The following RPGRIP1L variants were observed in gnomAD, a reference collection of about 807,000 sequenced individuals.
RPGRIP1L encodes the protein RPGRIP1 like.
RPGRIP1L carries 131 observed loss-of-function variants against 160.4 expected under a neutral mutation model. The ratio of observed to expected loss-of-function variants is 0.82; its 90% CI spans 0.71 to 0.94. RPGRIP1L has a LOEUF of 0.94. RPGRIP1L is among the 40% of genes least tolerant of loss of function. The pLI, the probability that RPGRIP1L is intolerant of heterozygous loss-of-function variation, is 0.00. For synonymous variants in RPGRIP1L, 510 were observed against 515.8 expected, an observed-to-expected ratio of 0.99 and a Z score of 0.15; for missense variants, 1,522 against 1,535.8, an observed-to-expected ratio of 0.99 and a Z score of 0.15.
At chr16:53,636,941 GACACACACACAC>G (rs34373919) in intron 21 of RPGRIP1L, among the ~76,000 whole-genome samples, 218 of 142,216 alleles carry the variant, frequency 1.5e-3, no homozygotes, top group Middle Eastern at 6.9e-3. Flanking sequence ...TGCAATATTT[GACACACACACAC>G]ACACACACAC....
At chr16:53,676,097 T>C (rs1032374663) in intron 6 of RPGRIP1L, among the ~76,000 whole-genome samples, 38 of 152,278 alleles carry the variant, frequency 2.5e-4, no homozygotes, top group East Asian at 1.9e-3. Flanking sequence ...AATGCCCTAC[T>C]GGAACCAGAA....
chr16:53,694,511 T>TTTTTG (rs2151370257), intron 3 of RPGRIP1L: 1 of 152,062 alleles, frequency 6.6e-6, no homozygotes, highest in African/African-American at 2.4e-5. Context: ...ACTATTTACT[T>TTTTTG]TTTTGTTTTG....
intron 6 of RPGRIP1L, among the ~76,000 whole-genome samples, chr16:53,677,091 C>G (rs1024187483): frequency 6.6e-6 from 1 of 152,064 alleles, no homozygotes; most frequent in Non-Finnish European, 1.5e-5. Context: ...AACCAGTAAG[C>G]ATATGTCAAA....
chr16:53,646,579 A>G (rs1966562794), intron 16 of RPGRIP1L, among the ~76,000 whole-genome samples: 1 of 152,234 alleles, frequency 6.6e-6, no homozygotes, highest in Non-Finnish European at 1.5e-5. Flanking sequence ...AAAAGGAGTT[A>G]TTAGGTAGAG....
Position 53,652,567 on chromosome 16 carries a change from CT to C in RPGRIP1L, c.2119del (p.Ser707AlafsTer10), listed in dbSNP as rs1567840180. ...QLKFHEILEK[S>X]GRIFCTASLI... Reference sequence around the variant, plus strand: ...ACTTGCTGTACAAAATATTCGGCCGCTTTTTTCAAGAATTTCGTGAAATTTT... The same window carrying C: ...ACTTGCTGTACAAAATATTCGGCCGCTTTTTCAAGAATTTCGTGAAATTTT... On this transcript the variant is annotated frameshift_variant, in exon 15 of 27. Coordinates refer to ENST00000647211, the MANE Select transcript of RPGRIP1L (RefSeq NM_015272.5). LOFTEE classifies it high-confidence loss of function. 1 of 1,613,850 alleles carries C rather than the reference CT, an allele frequency of 6.2e-7. No individual in the cohort carries two copies. The highest frequency in any genetic ancestry group is 1.3e-5 in the African/African-American group (1 of 74,900).
At position 53,641,429 on chromosome 16, in the gene RPGRIP1L, G is replaced by C. The variant is rs746015651; in HGVS notation, c.2730C>G (p.Ile910Met). Residue 910 changes from isoleucine to methionine, a missense_variant, in exon 18 of 27, where the codon ATC becomes ATG. Ile to Met is a conservative substitution (Grantham distance 10). Transcript: ENST00000647211. ...CAAATTTCCATTTCAATATAACATG[G>C]ATGGTGCCAGCAGGATGCTTTTGAT... ...TDHQKHPAGT[I>M]HVILKWKFAY... 7 of 1,613,822 alleles carry C rather than the reference G, an allele frequency of 4.3e-6. No individual in the cohort carries two copies. In the East Asian group the frequency reaches 1.1e-4, roughly 26 times the overall value.
chr16:53,692,253 C>T lies in RPGRIP1L; in HGVS notation c.342G>A (p.Gln114=). The T allele has an allele frequency of 6.2e-7, 1 of 1,614,192 alleles. No individual in the cohort carries two copies. Among genetic ancestry groups the T allele is most frequent in the Non-Finnish European group, 8.5e-7 (1 of 1,180,020 alleles). Residue 114 remains glutamine (Q), a synonymous_variant, in exon 4 of 27, where the codon CAG becomes CAA. Transcript: ENST00000647211. ...RDVEMEEMIE[Q]LQEKVHELEK... ...CAAGCTCATGAACTTTCTCTTGCAG[C>T]TGCTCAATCATTTCTTCCATTTCCA... is the stretch of plus-strand genomic sequence containing the variant.
intron 13 of RPGRIP1L, 62 bp from the exon 14 acceptor site, chr16:53,656,651 G>A: frequency 8.4e-7 from 1 of 1,192,698 alleles, no homozygotes; most frequent in Non-Finnish European, 1.3e-6. Flanking sequence ...ATTATTCAAA[G>A]CAACTATGAT....
rs1166293303 is a variant in RPGRIP1L at position 53,696,080 on chromosome 16, A to C, written c.230+71T>G. 12 of 1,460,126 alleles carry C rather than the reference A, an allele frequency of 8.2e-6. No homozygotes were observed. The Admixed American group carries it at 1.2e-4, about 14-fold the overall frequency. 90.4% of individuals were successfully genotyped at this position (1,460,126 alleles called of 1,614,324 possible). On this transcript the variant is annotated intron_variant, in intron 3 of 26. Transcript: ENST00000647211. The stretch of plus-strand genomic sequence containing the variant: ...AGATTCAAGGTGGGGTATTCAATTA[A>C]GTTTATAAAATACCATACCCTCCAA...
intron 22 of RPGRIP1L, among the ~76,000 whole-genome samples, chr16:53,624,547 A>T (rs1431517804): frequency 6.6e-6 from 1 of 152,150 alleles, no homozygotes; most frequent in African/African-American, 2.4e-5. Flanking sequence ...CCACCTAAAA[A>T]AAAAAAAGGA....
intron 22 of RPGRIP1L, among the ~76,000 whole-genome samples, chr16:53,631,281 C>A (rs1019726656): frequency 6.6e-6 from 1 of 152,198 alleles, no homozygotes; most frequent in Non-Finnish European, 1.5e-5. Context: ...GTTCAGAGAA[C>A]CTAGTTTCCA....
chr16:53,605,645 A>G (rs753992842), intron 25 of RPGRIP1L, 31 bp from the exon 26 acceptor site: 4 of 1,612,544 alleles, frequency 2.5e-6, no homozygotes, highest in Non-Finnish European at 3.4e-6. Context: ...GAAAGTCACC[A>G]CCAAGTGAGA....
chr16:53,696,793 T>C (rs370030358), intron 2 of RPGRIP1L, among the ~76,000 whole-genome samples: 2 of 152,228 alleles, frequency 1.3e-5, no homozygotes, highest in East Asian at 3.8e-4. Context: ...AAATTTTCAT[T>C]TAAAAGCTTC....
intron 22 of RPGRIP1L, among the ~76,000 whole-genome samples, chr16:53,627,233 A>G (rs1965245310): frequency 6.6e-6 from 1 of 152,206 alleles, no homozygotes; most frequent in Admixed American, 6.5e-5. Context: ...AGTACTGCAT[A>G]ATTGAGAATG....
Position 53,688,115 on chromosome 16 carries a change from A to G in RPGRIP1L, c.530-150T>C, listed in dbSNP as rs1013483396. 62 of 600,938 alleles carry G rather than the reference A, an allele frequency of 1.0e-4. 1 individual carries two copies. Among genetic ancestry groups the G allele is most frequent in the South Asian group, 2.1e-4 (10 of 48,570 alleles). The allele number at this position is 600,938 out of a possible 1,614,324, so 37.2% of individuals were successfully genotyped here. A position where few individuals can be genotyped will look rare whatever the true frequency, so the allele number is the denominator to read the frequency against. On this transcript the variant is annotated intron_variant, in intron 4 of 26. Transcript: ENST00000647211. Reference sequence around the variant, plus strand: ...ACACAGAATTATAAATACACTGCCAAAGGGAATATGTGATCTCAGCCACCA... The same window carrying G: ...ACACAGAATTATAAATACACTGCCAGAGGGAATATGTGATCTCAGCCACCA...
chr16:53,641,607 C>A, intron 17 of RPGRIP1L, 132 bp from the exon 18 acceptor site: 1 of 785,870 alleles, frequency 1.3e-6, no homozygotes, highest in Non-Finnish European at 2.0e-6. Context: ...TGGTTGTACC[C>A]CCTACTTTAA....
Position 53,602,207 on chromosome 16 carries a change from G to C in RPGRIP1L, c.3836-19C>G, listed in dbSNP as rs1276455735. 6.6e-7 allele frequency: 1 copy of C among 1,525,274 alleles called. No homozygotes were observed. The highest frequency in any genetic ancestry group is 9.1e-7 in the Non-Finnish European group (1 of 1,099,794). 94.5% of individuals were successfully genotyped at this position (1,525,274 alleles called of 1,614,324 possible). On this transcript the variant is annotated intron_variant, in intron 26 of 26. Transcript: ENST00000647211. ...TCAAAAACTAGGGAGAAAAGAGCAG[G>C]AAAGTGTTAATATCATTCAACAGAT...
intron 14 of RPGRIP1L, among the ~76,000 whole-genome samples, chr16:53,655,835 G>A (rs1057439252): frequency 3.3e-5 from 5 of 152,180 alleles, no homozygotes; most frequent in Admixed American, 2.6e-4. Flanking sequence ...CAAGTAGAGG[G>A]ATCGCTAGGA....
intron 6 of RPGRIP1L, among the ~76,000 whole-genome samples, chr16:53,685,112 A>G (rs1489539821): frequency 2.6e-5 from 4 of 152,262 alleles, no homozygotes; most frequent in Non-Finnish European, 4.4e-5. Context: ...AACATAAAAA[A>G]AAAGCTCAAC....
Sources: allele counts gnomAD v4.1 joint callset (sites outside exome capture counted in the v4.1 genomes callset), GRCh38; gene constraint gnomAD v4.1.1; transcripts MANE v1.5; gene names NCBI Gene and HGNC (gene_info 2026-07-23, HGNC 2026-07-21).